The following PCDHGA4 variants were observed in gnomAD, a reference collection of about 807,000 sequenced individuals.
The protein encoded by PCDHGA4 is protocadherin gamma-A4.
PCDHGA4 carries 38 observed loss-of-function variants against 54.6 expected under a neutral mutation model. That is an observed-to-expected ratio of 0.70 (90% CI 0.54 to 0.91). The LOEUF is 0.91. Ranked by LOEUF, PCDHGA4 falls within the 40% of genes least tolerant of loss-of-function variation. The pLI is 0.00. For missense variants in PCDHGA4, 1,298 were observed against 1,220.9 expected, an observed-to-expected ratio of 1.06 and a Z score of -0.94; for synonymous variants, 511 against 512.9, an observed-to-expected ratio of 1.00 and a Z score of 0.05.
chr5:141,431,607 A>G lies in PCDHGA4; in HGVS notation c.2515-63200A>G. ...GCGGAAGTGAGGTATTCCTTCCGGT[A>G]TGTGGACGACAAGGCGGCCCAAGTT... is the stretch of plus-strand genomic sequence containing the variant. On this transcript the variant is annotated intron_variant, in intron 1 of 3. Transcript: ENST00000571252. The surrounding 1 kb of genome is among the most constrained non-coding windows in gnomAD (Gnocchi z 4.8). 6.2e-7 allele frequency: 1 copy of G among 1,614,230 alleles called. No individual in the cohort carries two copies. Among genetic ancestry groups the G allele is most frequent in the Non-Finnish European group, 8.5e-7 (1 of 1,180,040 alleles).
Position 141,399,408 on chromosome 5 carries a change from C to G in PCDHGA4, c.2514+41787C>G, listed in dbSNP as rs373563586. On this transcript the variant is annotated intron_variant, in intron 1 of 3. Coordinates refer to ENST00000571252, the MANE Select transcript of PCDHGA4 (RefSeq NM_018917.4). ...CAGCCACAGACAGGGGCAAGCCGCC[C>G]CTCTCCTCCAGCATAAGCGTCATCC... 20 of 1,613,888 alleles carry G rather than the reference C, an allele frequency of 1.2e-5. No individual in the cohort carries two copies. In the East Asian group the frequency reaches 3.8e-4, roughly 31 times the overall value.
At chr5:141,462,542 T>C (rs910054469) in intron 1 of PCDHGA4, among the ~76,000 whole-genome samples, 1 of 152,222 alleles carries the variant, frequency 6.6e-6, no homozygotes, top group Non-Finnish European at 1.5e-5. Flanking sequence ...AGTGATCTTT[T>C]CTTCTTCAGT....
intron 1 of PCDHGA4, chr5:141,408,100 G>A (rs1474827605): frequency 9.7e-6 from 14 of 1,438,178 alleles, no homozygotes; most frequent in African/African-American, 1.4e-5. Context: ...CCAGCTCCGA[G>A]ACCCGGGACT....
intron 1 of PCDHGA4, chr5:141,404,355 G>A (rs1170833341): frequency 6.2e-7 from 1 of 1,613,896 alleles, no homozygotes; most frequent in Admixed American, 1.7e-5. Flanking sequence ...AACGCCAGAG[G>A]TACTTCCATC....
At chr5:141,377,672 C>CAAG (rs1410106152) in intron 1 of PCDHGA4, 2 of 151,680 alleles carry the variant, frequency 1.3e-5, no homozygotes, top group Admixed American at 1.3e-4. Context: ...GACGTTCATA[C>CAAG]AAGAGATCTT....
At chr5:141,371,162 C>A (rs1767541774) in intron 1 of PCDHGA4, 3 of 1,613,860 alleles carry the variant, frequency 1.9e-6, no homozygotes, top group African/African-American at 2.7e-5. Flanking sequence ...AGAACCTGCC[C>A]GCTGGCTCCT....
rs2098098668 is a variant in PCDHGA4, at chr5:141,439,210, T to C, written c.2515-55597T>C. Among the ~76,000 whole-genome samples the C allele has an allele frequency of 4.0e-5, 6 of 150,296 alleles. No homozygotes were observed. The Middle Eastern group carries it at 0.014, about 343-fold the overall frequency. On this transcript the variant is annotated intron_variant, in intron 1 of 3. Transcript: ENST00000571252. The stretch of plus-strand genomic sequence containing the variant: ...TCTGACAAAAAAAAAAAAAAATCCA[T>C]ATGTGAAAATTCTTAGAAGCTTCCT...
rs1491285973 is a variant in PCDHGA4, at chr5:141,415,739, GGT to G, written c.2514+58119_2514+58120del. 5.5e-5 allele frequency: 24 copies of G among 435,136 alleles called. No individual in the cohort carries two copies. The African/African-American group carries it at 7.2e-4, about 13-fold the overall frequency. 27.0% of individuals were successfully genotyped at this position (435,136 alleles called of 1,614,324 possible). A position where few individuals can be genotyped will look rare whatever the true frequency, so the allele number is the denominator to read the frequency against. On this transcript the variant is annotated intron_variant, in intron 1 of 3. Transcript: ENST00000571252. Reference sequence around the variant, plus strand: ...ATGAGTAGAATTTGATGTTTATTAAGGTTTTTTTTTTTTTTTTTTTTTTTTTT... The same window carrying G: ...ATGAGTAGAATTTGATGTTTATTAAGTTTTTTTTTTTTTTTTTTTTTTTTT...
At chr5:141,367,133 A>G (rs1764963646) in intron 1 of PCDHGA4, 1 of 207,884 alleles carries the variant, frequency 4.8e-6, no homozygotes, top group Non-Finnish European at 9.7e-6. Context: ...GTGTTTTGGA[A>G]AGGATAATGT....
intron 1 of PCDHGA4, chr5:141,441,855 G>T (rs1210416963): frequency 2.8e-6 from 1 of 351,872 alleles, no homozygotes; most frequent in Admixed American, 4.0e-5. Context: ...ATATGGTGCT[G>T]CACGCCGCGG....
At chr5:141,390,390 A>G (rs2092135147) in intron 1 of PCDHGA4, 4 of 1,406,748 alleles carry the variant, frequency 2.8e-6, no homozygotes, top group Middle Eastern at 3.7e-4. Flanking sequence ...GATGTCATGG[A>G]TCATTTTAGG....
Position 141,476,935 on chromosome 5 carries a change from A to G in PCDHGA4, c.2515-17872A>G. The G allele has an allele frequency of 6.2e-7, 1 of 1,614,166 alleles. No homozygotes were observed. Among genetic ancestry groups the G allele is most frequent in the Non-Finnish European group, 8.5e-7 (1 of 1,180,046 alleles). Reference sequence around the variant, plus strand: ...AAGTCCTTGCAACGGATCTGGATGAAGGCCCCAACGGTGAAATTATTTACT... The same window carrying G: ...AAGTCCTTGCAACGGATCTGGATGAGGGCCCCAACGGTGAAATTATTTACT... On this transcript the variant is annotated intron_variant, in intron 1 of 3. Transcript: ENST00000571252. This position sits in a 1 kb window ranked among gnomAD's most constrained non-coding sequence, Gnocchi z 7.6.
intron 1 of PCDHGA4, chr5:141,375,405 A>G (rs1472795802): frequency 6.2e-7 from 1 of 1,613,932 alleles, no homozygotes; most frequent in South Asian, 1.1e-5. Context: ...ATCTCTCTAA[A>G]TGTGGCAGAC....
intron 1 of PCDHGA4, chr5:141,415,450 C>T (rs774745130): frequency 1.9e-6 from 3 of 1,614,202 alleles, no homozygotes; most frequent in Non-Finnish European, 2.5e-6. Flanking sequence ...GACCTATTCC[C>T]ACGAGGTCTC....
Position 141,431,449 on chromosome 5 carries a change from G to A in PCDHGA4, c.2515-63358G>A. Reference sequence around the variant, plus strand: ...GCACAGGCACCGCGCGCATCCGCGTGATGGTTCTGGATGCGAACGACAACG... The same window carrying A: ...GCACAGGCACCGCGCGCATCCGCGTAATGGTTCTGGATGCGAACGACAACG... On this transcript the variant is annotated intron_variant, in intron 1 of 3. Coordinates refer to ENST00000571252, the MANE Select transcript of PCDHGA4 (RefSeq NM_018917.4). The surrounding 1 kb of genome is among the most constrained non-coding windows in gnomAD (Gnocchi z 4.8). The A allele has an allele frequency of 6.2e-7, 1 of 1,613,742 alleles. No individual in the cohort carries two copies. Among genetic ancestry groups the A allele is most frequent in the South Asian group, 1.1e-5 (1 of 91,082 alleles).
At chr5:141,443,604 G>A (rs1561911807) in intron 1 of PCDHGA4, among the ~76,000 whole-genome samples, 1 of 152,194 alleles carries the variant, frequency 6.6e-6, no homozygotes, top group Non-Finnish European at 1.5e-5. Context: ...TATATGAAAT[G>A]TTCTTATAAT....
intron 1 of PCDHGA4, chr5:141,362,513 A>G: frequency 6.2e-7 from 1 of 1,613,982 alleles, no homozygotes; most frequent in South Asian, 1.1e-5. Context: ...AATACAAATC[A>G]TGGAGCCGCT....
In PCDHGA4 at chr5:141,356,956, T is replaced by C; in HGVS notation, c.1849T>C (p.Tyr617His). 6 of 1,614,202 alleles carry C rather than the reference T, an allele frequency of 3.7e-6. No homozygotes were observed. The African/African-American group carries it at 4.0e-5, about 11-fold the overall frequency. ...ELAPRSADSG[Y>H]LVTKVVAVDR... Reference sequence around the variant, plus strand: ...GGCACCCCGCTCCGCAGATTCCGGCTACCTGGTGACCAAAGTGGTGGCAGT... The same window carrying C: ...GGCACCCCGCTCCGCAGATTCCGGCCACCTGGTGACCAAAGTGGTGGCAGT... Residue 617 changes from tyrosine (Y) to histidine (H), a missense_variant, in exon 1 of 4, where the codon TAC becomes CAC. Transcript: ENST00000571252.
At chr5:141,424,936 C>G (rs1160449329) in intron 1 of PCDHGA4, among the ~76,000 whole-genome samples, 1 of 152,182 alleles carries the variant, frequency 6.6e-6, no homozygotes, top group Non-Finnish European at 1.5e-5. Flanking sequence ...AGTCAACACT[C>G]TCACATCACT....
Sources: allele counts gnomAD v4.1 joint callset (sites outside exome capture counted in the v4.1 genomes callset), GRCh38; gene constraint gnomAD v4.1.1; non-coding constraint Gnocchi (gnomAD v3.1); transcripts MANE v1.5; gene names NCBI Gene and HGNC (gene_info 2026-07-23, HGNC 2026-07-21).